Variants in FBXO25 observed in about 807,000 individuals in gnomAD.
The protein encoded by FBXO25 is F-box only protein 25.
FBXO25 carries 45 observed loss-of-function variants against 51.9 expected under a neutral mutation model. That is an observed-to-expected ratio of 0.87 (90% CI 0.68 to 1.11). FBXO25 has a LOEUF of 1.11. FBXO25 is among the 50% of genes most tolerant of loss of function. The pLI, the probability that FBXO25 is intolerant of heterozygous loss-of-function variation, is 0.00. For missense variants in FBXO25, 507 were observed against 428.5 expected (o/e 1.18, Z -1.62); for synonymous variants, 199 against 151.0 (o/e 1.32, Z -2.33).
intron 2 of FBXO25, among the ~76,000 whole-genome samples, chr8:429,796 C>T (rs1460885098): frequency 6.6e-6 from 1 of 152,236 alleles, no homozygotes; most frequent in African/African-American, 2.4e-5. Flanking sequence ...CCTACCACTG[C>T]CCAGGCAGGC....
chr8:477,854 T>G lies in FBXO25; in HGVS notation c.*9050T>G, dbSNP rs1800688230. On this transcript the variant is annotated 3_prime_UTR_variant, in exon 10 of 10. Transcript: ENST00000350302. ...AAAATGTAAAAATCATTCTTAACAT[T>G]TGGGCTGTGCAAAAACAGCTGGTGG... The G allele has an allele frequency of 6.6e-6, 1 of 152,244 alleles. No individual in the cohort carries two copies. The highest frequency in any genetic ancestry group is 1.5e-5 in the Non-Finnish European group (1 of 68,042). 9.4% of individuals were successfully genotyped at this position (152,244 alleles called of 1,614,324 possible).
rs1168566481 is a variant in FBXO25 at position 473,081 on chromosome 8, C to A, written c.*4277C>A. On this transcript the variant is annotated 3_prime_UTR_variant, in exon 10 of 10. Coordinates refer to ENST00000350302, the MANE Select transcript of FBXO25 (RefSeq NM_183420.2). The stretch of plus-strand genomic sequence containing the variant: ...CTCTATGGCTGACACCAGCATCCAC[C>A]CTGCACTCATATGTATCTCAACAGA... 2 of 152,466 alleles carry A rather than the reference C, an allele frequency of 1.3e-5. No individual in the cohort carries two copies. Among genetic ancestry groups the A allele is most frequent in the Non-Finnish European group, 2.9e-5 (2 of 68,252 alleles). 9.4% of individuals were successfully genotyped at this position (152,466 alleles called of 1,614,324 possible).
rs551735346 is a variant in FBXO25, at chr8:462,000, C to T, written c.844-1007C>T. ...TGTGTAGATGCATGTTTTCATTTCT[C>T]TTGGTTATAAACCTAGGAGTAGAAT... On this transcript the variant is annotated intron_variant, in intron 8 of 9. Coordinates refer to ENST00000350302, the MANE Select transcript of FBXO25 (RefSeq NM_183420.2). Among the ~76,000 whole-genome samples the T allele has an allele frequency of 2.0e-5, 3 of 152,046 alleles. No individual in the cohort carries two copies. In the East Asian group the frequency reaches 5.8e-4, roughly 29 times the overall value.
chr8:457,381 T>G (rs1251514250), intron 7 of FBXO25, among the ~76,000 whole-genome samples: 2 of 152,192 alleles, frequency 1.3e-5, no homozygotes, highest in African/African-American at 2.4e-5. Context: ...TTGAACTGAT[T>G]CAGCCCACTT....
Position 471,783 on chromosome 8 carries a change from G to A in FBXO25, c.*2979G>A, listed in dbSNP as rs990975819. On this transcript the variant is annotated 3_prime_UTR_variant, in exon 10 of 10. Coordinates refer to ENST00000350302, the MANE Select transcript of FBXO25 (RefSeq NM_183420.2). Reference sequence around the variant, plus strand: ...TAGCCTCTCAGGAGCAGACCGATTTGTAGCTGTCGTGGTTTACTGCATGAC... The same window carrying A: ...TAGCCTCTCAGGAGCAGACCGATTTATAGCTGTCGTGGTTTACTGCATGAC... The A allele has an allele frequency of 6.6e-6, 1 of 152,208 alleles. No homozygotes were observed. Among genetic ancestry groups the A allele is most frequent in the Non-Finnish European group, 1.5e-5 (1 of 68,054 alleles). 9.4% of individuals were successfully genotyped at this position (152,208 alleles called of 1,614,324 possible).
intron 5 of FBXO25, 34 bp downstream of exon 5, chr8:435,741 C>G (rs1465871933): frequency 6.4e-7 from 1 of 1,558,726 alleles, no homozygotes; most frequent in Admixed American, 2.1e-5. Flanking sequence ...ACTTTGATGA[C>G]TCTTTTGAAC....
Position 469,636 on chromosome 8 carries a change from A to G in FBXO25, c.*832A>G, listed in dbSNP as rs568687409. On this transcript the variant is annotated 3_prime_UTR_variant, in exon 10 of 10. Transcript: ENST00000350302. ...TAGTGATTTTGATACTTAAATCCTT[A>G]AAAGATTGCTTCGTTTTTAAAATAA... 2.6e-5 allele frequency: 4 copies of G among 152,366 alleles called. No homozygotes were observed. The East Asian group carries it at 7.7e-4, about 29-fold the overall frequency. The allele number at this position is 152,366 out of a possible 1,614,324, so 9.4% of individuals were successfully genotyped here.
At chr8:449,967 C>T (rs751741787) in intron 5 of FBXO25, 23 bp from the exon 6 acceptor site, 1 of 1,548,398 alleles carries the variant, frequency 6.5e-7, no homozygotes, top group East Asian at 2.2e-5. Flanking sequence ...TATCGCTCAG[C>T]TTTTTTCCGT....
intron 2 of FBXO25, among the ~76,000 whole-genome samples, chr8:428,941 A>G (rs952568251): frequency 1.3e-5 from 2 of 152,214 alleles, no homozygotes; most frequent in Non-Finnish European, 1.5e-5. Context: ...CTATTCATCC[A>G]CTGATGGACA....
intron 5 of FBXO25, among the ~76,000 whole-genome samples, chr8:446,988 C>T (rs1364559237): frequency 6.6e-6 from 1 of 152,148 alleles, no homozygotes; most frequent in Non-Finnish European, 1.5e-5. Context: ...CTAAAATGTG[C>T]ATGAGGCTTA....
At chr8:444,294 CTT>C in intron 5 of FBXO25, among the ~76,000 whole-genome samples, 1 of 152,318 alleles carries the variant, frequency 6.6e-6, no homozygotes, top group African/African-American at 2.4e-5. Context: ...TGTTGTTTCT[CTT>C]TCTCTGCCCT....
At chr8:435,916 C>T (rs1239335253) in intron 5 of FBXO25, among the ~76,000 whole-genome samples, 6 of 152,140 alleles carry the variant, frequency 3.9e-5, no homozygotes, top group Non-Finnish European at 8.8e-5. Context: ...GGTTGCAGAG[C>T]CTCAGTGGGA....
At chr8:458,601 G>A in intron 8 of FBXO25, 50 bp downstream of exon 8, 1 of 1,576,778 alleles carries the variant, frequency 6.3e-7, no homozygotes, top group Non-Finnish European at 8.7e-7. Context: ...TATAGACTCT[G>A]CCTGGGGGCC....
chr8:461,051 C>T (rs1585098905), intron 8 of FBXO25, among the ~76,000 whole-genome samples: 1 of 152,320 alleles, frequency 6.6e-6, no homozygotes, highest in South Asian at 2.1e-4. Flanking sequence ...CCCAAGGCAG[C>T]CCTGTTACTC....
chr8:409,485 T>C (rs1305178448), intron 1 of FBXO25, among the ~76,000 whole-genome samples: 2 of 152,178 alleles, frequency 1.3e-5, no homozygotes, highest in Non-Finnish European at 2.9e-5. Flanking sequence ...ATGAATTATC[T>C]GTAGAGTTTA....
At chr8:432,358 C>T (rs1797867040) in intron 3 of FBXO25, among the ~76,000 whole-genome samples, 1 of 152,190 alleles carries the variant, frequency 6.6e-6, no homozygotes. Flanking sequence ...TGGTTTATTT[C>T]TGGAATTTTC....
intron 7 of FBXO25, among the ~76,000 whole-genome samples, chr8:455,172 G>T (rs570132779): frequency 6.6e-6 from 1 of 152,188 alleles, no homozygotes; most frequent in Non-Finnish European, 1.5e-5. Context: ...CTTGGAGGAA[G>T]GTGCAGGGGA....
At position 450,186 on chromosome 8, in the gene FBXO25, A is replaced by G. The variant is rs143947386; in HGVS notation, c.475+103A>G. On this transcript the variant is annotated intron_variant, in intron 6 of 9. Transcript: ENST00000350302. Reference sequence around the variant, plus strand: ...TCTTTACCCAGTACACATACTGTCAAAAACAATTGTGTAAATAATGTGATA... The same window carrying G: ...TCTTTACCCAGTACACATACTGTCAGAAACAATTGTGTAAATAATGTGATA... 1,761 of 681,686 alleles carry G rather than the reference A, an allele frequency of 2.6e-3. 19 individuals are homozygous for G. In the African/African-American group the frequency reaches 0.031, roughly 12 times the overall value. 42.2% of individuals were successfully genotyped at this position (681,686 alleles called of 1,614,324 possible).
In FBXO25 at chr8:462,448, G is replaced by T. The variant is rs963327255; in HGVS notation, c.844-559G>T. Among the ~76,000 whole-genome samples the T allele has an allele frequency of 1.1e-4, 16 of 152,114 alleles. 1 individual carries two copies. The highest frequency in any genetic ancestry group is 9.2e-4 in the Admixed American group (14 of 15,272). ...ATAATACATTATGGACATTATTCTG[G>T]ATTGGAGTATTTAAGTCTGTTTAAC... is the stretch of plus-strand genomic sequence containing the variant. On this transcript the variant is annotated intron_variant, in intron 8 of 9. Transcript: ENST00000350302.
Sources: gnomAD v4.1 joint callset for allele counts (sites outside exome capture counted in the v4.1 genomes callset) on GRCh38, gnomAD v4.1.1 for gene constraint, MANE v1.5 for transcripts, NCBI Gene and HGNC (gene_info 2026-07-23, HGNC 2026-07-21) for gene names.